SORCS1: variants seen among roughly 807,000 people sequenced by gnomAD.
SORCS1 encodes the protein VPS10 domain-containing receptor SorCS1.
In SORCS1, 60 loss-of-function variants were observed where a neutral mutation model predicts 146.1. The ratio of observed to expected loss-of-function variants is 0.41; its 90% CI spans 0.33 to 0.51. SORCS1 has a LOEUF of 0.51. Ranked by LOEUF, SORCS1 falls within the 20% of genes least tolerant of loss-of-function variation. The pLI is 0.21. For missense variants in SORCS1, 1,352 were observed against 1,487.6 expected, an observed-to-expected ratio of 0.91 and a Z score of 1.50; for synonymous variants, 637 against 584.0, an observed-to-expected ratio of 1.09 and a Z score of -1.31.
In SORCS1 at chr10:106,629,378, T is replaced by A; in HGVS notation, c.2486A>T (p.Gln829Leu). 1 of 1,614,000 alleles carries A rather than the reference T, an allele frequency of 6.2e-7. No individual in the cohort carries two copies. The highest frequency in any genetic ancestry group is 8.5e-7 in the Non-Finnish European group (1 of 1,179,900). Residue 829 changes from glutamine (Q) to leucine (L), a missense_variant, in exon 19 of 26, where the codon CAG becomes CTG. This residue lies in a region of SORCS1 where 648 missense variants were observed against 793.8 expected (regional missense o/e 0.82). Transcript: ENST00000263054. The part of the protein sequence containing the change: ...LMVQLEEGDV[Q>L]RTLIQVDFGD... ...AAAGTCCACTTGGATGAGTGTCCGC[T>A]GAACATCACCCTGAAAAACAACCCA...
chr10:106,761,501 G>A (rs1859105632), intron 5 of SORCS1, 87 bp downstream of exon 5: 2 of 1,151,664 alleles, frequency 1.7e-6, no homozygotes, highest in East Asian at 2.4e-5. Context: ...TGAGAGCACT[G>A]GTGAGAACAA....
intron 9 of SORCS1, among the ~76,000 whole-genome samples, chr10:106,690,758 G>A (rs1222439218): frequency 6.6e-6 from 1 of 152,134 alleles, no homozygotes; most frequent in Non-Finnish European, 1.5e-5. Flanking sequence ...TTTTTATTTT[G>A]TTGTTTTCTT....
intron 3 of SORCS1, among the ~76,000 whole-genome samples, chr10:106,815,165 G>A (rs1947674444): frequency 6.6e-6 from 1 of 151,894 alleles, no homozygotes; most frequent in Non-Finnish European, 1.5e-5. Context: ...CTCCATGTTG[G>A]TCAGGCTGGT....
chr10:106,717,697 G>A, intron 6 of SORCS1, among the ~76,000 whole-genome samples: 2 of 152,228 alleles, frequency 1.3e-5, no homozygotes, highest in Middle Eastern at 6.8e-3. Flanking sequence ...CTATTAGGTT[G>A]GTGCAAAAAG....
intron 6 of SORCS1, among the ~76,000 whole-genome samples, chr10:106,711,199 G>C (rs1186097135): frequency 6.6e-6 from 1 of 152,130 alleles, no homozygotes; most frequent in Non-Finnish European, 1.5e-5. Flanking sequence ...GTTGGAACAT[G>C]CCACTTATTG....
intron 18 of SORCS1, among the ~76,000 whole-genome samples, chr10:106,639,888 C>A (rs977096581): frequency 2.6e-5 from 4 of 151,944 alleles, no homozygotes; most frequent in Admixed American, 2.0e-4. Flanking sequence ...TGTGGTGGCA[C>A]GTGCCTGTTA....
At chr10:107,137,661 G>A (rs1170241844) in intron 1 of SORCS1, among the ~76,000 whole-genome samples, 6 of 152,050 alleles carry the variant, frequency 3.9e-5, no homozygotes, top group East Asian at 3.9e-4. Flanking sequence ...TCGAGAGTTC[G>A]AGACCAGTCT....
intron 22 of SORCS1, 127 bp from the exon 23 acceptor site, chr10:106,607,424 G>GGCAT: frequency 1.6e-6 from 2 of 1,235,444 alleles, no homozygotes. Flanking sequence ...CAGAGGCCTG[G>GGCAT]GCATATCAGG....
At chr10:106,664,192 G>T (rs1170165910) in intron 17 of SORCS1, among the ~76,000 whole-genome samples, 1 of 152,172 alleles carries the variant, frequency 6.6e-6, no homozygotes, top group Admixed American at 6.5e-5. Context: ...CATAACAACT[G>T]CATTGACCAA....
chr10:106,866,051 C>T (rs936196824), intron 2 of SORCS1, among the ~76,000 whole-genome samples: 8 of 150,318 alleles, frequency 5.3e-5, no homozygotes, highest in Admixed American at 3.3e-4. Flanking sequence ...AAAAAAAAGT[C>T]GCCAGACTAT....
intron 21 of SORCS1, among the ~76,000 whole-genome samples, chr10:106,615,887 C>T (rs1027739367): frequency 6.6e-6 from 1 of 152,082 alleles, no homozygotes; most frequent in African/African-American, 2.4e-5. Flanking sequence ...TACAAACATA[C>T]CCTCTGGATT....
At chr10:106,834,081 C>A (rs183024864) in intron 2 of SORCS1, among the ~76,000 whole-genome samples, 1 of 152,146 alleles carries the variant, frequency 6.6e-6, no homozygotes, top group African/African-American at 2.4e-5. Flanking sequence ...GCATGAGCCA[C>A]CACGCCCGGT....
intron 8 of SORCS1, among the ~76,000 whole-genome samples, chr10:106,699,777 G>A (rs1853995427): frequency 6.6e-6 from 1 of 152,078 alleles, no homozygotes; most frequent in South Asian, 2.1e-4. Context: ...GGAAAAGCTG[G>A]AGGAACAGAG....
intron 6 of SORCS1, among the ~76,000 whole-genome samples, chr10:106,718,846 A>G (rs1194580928): frequency 1.3e-5 from 2 of 152,230 alleles, no homozygotes; most frequent in African/African-American, 2.4e-5. Flanking sequence ...AGCTAGACAC[A>G]GACCGCTGAT....
intron 5 of SORCS1, among the ~76,000 whole-genome samples, chr10:106,735,458 T>C (rs1194308682): frequency 6.6e-6 from 1 of 152,180 alleles, no homozygotes; most frequent in Non-Finnish European, 1.5e-5. Flanking sequence ...ACAGGAGGAA[T>C]GACCTTTCAC....
chr10:106,892,971 T>G (rs1366170378), intron 2 of SORCS1, among the ~76,000 whole-genome samples: 1 of 151,256 alleles, frequency 6.6e-6, no homozygotes, highest in Non-Finnish European at 1.5e-5. Context: ...CTCAAGTCAC[T>G]GCCACCTCCG....
Position 106,891,504 on chromosome 10 carries a change from C to CTTTTTTTT in SORCS1, c.627-61839_627-61832dup, listed in dbSNP as rs760812204. On this transcript the variant is annotated intron_variant, in intron 2 of 25. Transcript: ENST00000263054. The stretch of plus-strand genomic sequence containing the variant: ...GTAATCAGAAGTTTCAATGGGAATT[C>CTTTTTTTT]TTTTTTTTTTTTTGAGAAAAGACCT... Among the ~76,000 whole-genome samples, 124 of 97,274 alleles carry CTTTTTTTT rather than the reference C, an allele frequency of 1.3e-3. 18 individuals are homozygous for CTTTTTTTT. Among genetic ancestry groups the CTTTTTTTT allele is most frequent in the Admixed American group, 2.5e-3 (25 of 10,006 alleles). The allele number at this position is 97,274 out of a possible 152,430, so 63.8% of individuals were successfully genotyped here.
At chr10:106,790,901 G>T (rs1484458859) in intron 3 of SORCS1, among the ~76,000 whole-genome samples, 1 of 152,092 alleles carries the variant, frequency 6.6e-6, no homozygotes, top group Non-Finnish European at 1.5e-5. Context: ...ATATGAACAA[G>T]AAAAAATATG....
chr10:106,727,833 C>T (rs1418157294), intron 6 of SORCS1, among the ~76,000 whole-genome samples: 2 of 152,098 alleles, frequency 1.3e-5, no homozygotes, highest in African/African-American at 4.8e-5. Flanking sequence ...ATAGAGAAAA[C>T]AGCATGTACC....
Sources: allele counts gnomAD v4.1 joint callset (sites outside exome capture counted in the v4.1 genomes callset), GRCh38; gene constraint gnomAD v4.1.1; regional missense constraint gnomAD v4.1.1; transcripts MANE v1.5; gene names NCBI Gene and HGNC (gene_info 2026-07-23, HGNC 2026-07-21).